ST3GAL1: variants seen among roughly 807,000 people sequenced by gnomAD.
The protein encoded by ST3GAL1 is CMP-N-acetylneuraminate-beta-galactosamide-alpha-2,3-sialyltransferase 1.
A neutral mutation model predicts 34.1 loss-of-function variants in ST3GAL1; 16 were observed. The ratio of observed to expected loss-of-function variants is 0.47; its 90% confidence interval spans 0.32 to 0.71. The LOEUF (loss-of-function observed/expected upper bound fraction) is 0.71. ST3GAL1 is among the 30% of genes least tolerant of loss of function. The pLI is 0.04. For synonymous variants in ST3GAL1, 191 were observed against 184.7 expected (o/e 1.03, Z -0.28); for missense variants, 353 against 447.4 (o/e 0.79, Z 1.90).
At chr8:133,535,152 G>A (rs371892154) in intron 2 of ST3GAL1, among the ~76,000 whole-genome samples, 42 of 152,236 alleles carry the variant, frequency 2.8e-4, no homozygotes, top group Non-Finnish European at 3.8e-4. Context: ...GGCATTCCAG[G>A]TAGAGAAGAG....
In ST3GAL1 at chr8:133,468,231, T is replaced by G. The variant is rs187277603; in HGVS notation, c.307-2141A>C. 3.9e-5 allele frequency among the ~76,000 whole-genome samples: 6 copies of G among 152,288 alleles called. No homozygotes were observed. The East Asian group carries it at 1.2e-3, about 29-fold the overall frequency. On this transcript the variant is annotated intron_variant, in intron 5 of 9. Coordinates refer to ENST00000522652, the MANE Select transcript of ST3GAL1 (RefSeq NM_173344.3). Reference sequence around the variant, plus strand: ...GAGCAACCCAGTCTCCAGCGATGGATGAATAAACAAACATAGTACGTTCCA... The same window carrying G: ...GAGCAACCCAGTCTCCAGCGATGGAGGAATAAACAAACATAGTACGTTCCA...
chr8:133,495,582 C>A (rs572624973), intron 3 of ST3GAL1, among the ~76,000 whole-genome samples: 2 of 152,288 alleles, frequency 1.3e-5, no homozygotes, highest in Non-Finnish European at 2.9e-5. Context: ...GCTGGGTAGA[C>A]AAAGAATGCA....
At chr8:133,507,602 C>T (rs1377387072) in intron 2 of ST3GAL1, among the ~76,000 whole-genome samples, 1 of 152,228 alleles carries the variant, frequency 6.6e-6, no homozygotes, top group Non-Finnish European at 1.5e-5. Flanking sequence ...TGGAGAGTTC[C>T]TGGCACATTG....
intron 1 of ST3GAL1, among the ~76,000 whole-genome samples, chr8:133,550,059 G>A (rs1818797078): frequency 6.6e-6 from 1 of 152,232 alleles, no homozygotes; most frequent in Admixed American, 6.5e-5. Flanking sequence ...CTCTAATACA[G>A]CACTGGGGTG....
chr8:133,465,815 C>G, intron 6 of ST3GAL1, 79 bp downstream of exon 6: 1 of 1,508,086 alleles, frequency 6.6e-7, no homozygotes, highest in Non-Finnish European at 9.0e-7. Flanking sequence ...CTTCCTGAGC[C>G]TGAGCCAAGA....
At chr8:133,509,795 C>T (rs947088972) in intron 2 of ST3GAL1, among the ~76,000 whole-genome samples, 9 of 152,204 alleles carry the variant, frequency 5.9e-5, no homozygotes, top group South Asian at 2.1e-4. Context: ...CCGTGGCTAA[C>T]GCCTGTAATC....
intron 1 of ST3GAL1, among the ~76,000 whole-genome samples, chr8:133,551,774 A>G (rs1818872825): frequency 1.3e-5 from 2 of 152,246 alleles, no homozygotes; most frequent in Admixed American, 6.5e-5. Flanking sequence ...GATAACACTT[A>G]AACTAGCATA....
chr8:133,475,920 G>A lies in ST3GAL1; in HGVS notation c.105C>T (p.Thr35=), dbSNP rs1816159164. 6.2e-7 allele frequency: 1 copy of A among 1,614,044 alleles called. No homozygotes were observed. ...GGACCATCTGCTTGGGGAACCAGGT[G>A]GTGGCCACCATGGTGTGGGAGTAGT... ...FLNYSHTMVA[T]TWFPKQMVLE... Residue 35 remains threonine, a synonymous_variant, in exon 5 of 10, where the codon ACC becomes ACT. Coordinates refer to ENST00000522652, the MANE Select transcript of ST3GAL1 (RefSeq NM_173344.3).
intron 3 of ST3GAL1, among the ~76,000 whole-genome samples, chr8:133,492,002 C>T (rs1348145798): frequency 1.3e-5 from 2 of 152,126 alleles, no homozygotes; most frequent in African/African-American, 2.4e-5. Context: ...GGAGCGAAAA[C>T]ATGGGTGGCC....
chr8:133,465,825 A>T, intron 6 of ST3GAL1, 69 bp downstream of exon 6: 1 of 1,529,450 alleles, frequency 6.5e-7, no homozygotes, highest in Non-Finnish European at 8.9e-7. Context: ...CTGAGCCAAG[A>T]TGCTTCCTAC....
In ST3GAL1 at chr8:133,469,353, G is replaced by A. The variant is rs1278936071; in HGVS notation, c.307-3263C>T. 6.6e-6 allele frequency among the ~76,000 whole-genome samples: 1 copy of A among 152,004 alleles called. No individual in the cohort carries two copies. Among genetic ancestry groups the A allele is most frequent in the Non-Finnish European group, 1.5e-5 (1 of 68,006 alleles). On this transcript the variant is annotated intron_variant, in intron 5 of 9. Coordinates refer to ENST00000522652, the MANE Select transcript of ST3GAL1 (RefSeq NM_173344.3). This position sits in a 1 kb window ranked among gnomAD's most constrained non-coding sequence, Gnocchi z 4.3. The stretch of plus-strand genomic sequence containing the variant: ...CCTGCCTTAGCCTCCCAAGCAGCTG[G>A]GATTACAGGTGTGCACCACTGTGCC...
At chr8:133,540,748 T>TATATATAGAGAGAC (rs1818446757) in intron 2 of ST3GAL1, among the ~76,000 whole-genome samples, 1 of 56,378 alleles carries the variant, frequency 1.8e-5, no homozygotes, top group African/African-American at 8.5e-5. Context: ...TATATAGACA[T>TATATATAGAGAGAC]ATATATATAT....
intron 5 of ST3GAL1, among the ~76,000 whole-genome samples, chr8:133,471,637 C>T (rs61147127): frequency 0.16 from 24,814 of 152,060 alleles, 2,663 homozygotes; most frequent in East Asian, 0.58. Context: ...CCTTTAACTA[C>T]AAGGGGATCT....
At chr8:133,562,795 TTCCTTCCTTCCTTC>T (rs1819273369) in intron 1 of ST3GAL1, among the ~76,000 whole-genome samples, 2 of 15,346 alleles carry the variant, frequency 1.3e-4, no homozygotes, top group Non-Finnish European at 4.1e-4. Flanking sequence ...CTTTCTTTCT[TTCCTTCCTTCCTTC>T]CTTCCTTCCT....
chr8:133,470,927 G>GA (rs1815928985), intron 5 of ST3GAL1, among the ~76,000 whole-genome samples: 1 of 152,132 alleles, frequency 6.6e-6, no homozygotes, highest in East Asian at 1.9e-4. Context: ...GTCCTGTCTT[G>GA]AGGCACGATG....
chr8:133,560,155 G>A (rs963643210), intron 1 of ST3GAL1, among the ~76,000 whole-genome samples: 2 of 152,024 alleles, frequency 1.3e-5, no homozygotes, highest in African/African-American at 4.8e-5. Flanking sequence ...GAATGTTTGA[G>A]GTGACAGATA....
At position 133,531,093 on chromosome 8, in the gene ST3GAL1, T is replaced by C. The variant is rs12678733; in HGVS notation, c.-429+14681A>G. Among the ~76,000 whole-genome samples, 2,772 of 152,256 alleles carry C rather than the reference T, an allele frequency of 0.018. 141 individuals are homozygous for C. In the East Asian group the frequency reaches 0.21, roughly 11 times the overall value. ...AGCAGTGGCTGTCCCCCGCTCTTAG[T>C]AGGGGATAGAAAAGCTGCCTTAAGA... On this transcript the variant is annotated intron_variant, in intron 2 of 9. Transcript: ENST00000522652.
At chr8:133,526,643 C>T (rs1817983403) in intron 2 of ST3GAL1, among the ~76,000 whole-genome samples, 1 of 152,118 alleles carries the variant, frequency 6.6e-6, no homozygotes, top group African/African-American at 2.4e-5. Context: ...CCTGTAATTA[C>T]AGGGCAAGAA....
At position 133,461,953 on chromosome 8, in the gene ST3GAL1, G is replaced by A; in HGVS notation, c.771C>T (p.Asp257=). The change falls in exon 9 of 10, where the codon GAC becomes GAT. Residue 257 remains aspartate, a synonymous_variant. Transcript: ENST00000522652. This position sits in a 1 kb window ranked among gnomAD's most constrained non-coding sequence, Gnocchi z 4.7. ...YHPAFIKYVF[D]NWLQGHGRYP... ...ATCGCCCGTGCCCTTGCAGCCAGTT[G>A]TCAAAGACATACTTGATGAAGGCTG... 1.9e-6 allele frequency: 3 copies of A among 1,614,202 alleles called. No individual in the cohort carries two copies. Among genetic ancestry groups the A allele is most frequent in the Non-Finnish European group, 2.5e-6 (3 of 1,180,038 alleles).
Sources: allele counts gnomAD v4.1 joint callset (sites outside exome capture counted in the v4.1 genomes callset), GRCh38; gene constraint gnomAD v4.1.1; non-coding constraint Gnocchi (gnomAD v3.1); transcripts MANE v1.5; gene names NCBI Gene and HGNC (gene_info 2026-07-23, HGNC 2026-07-21).